Variants in TBC1D4 observed in about 807,000 individuals in gnomAD.
The protein encoded by TBC1D4 is TBC (Tre-2, BUB2, CDC16) domain-containing protein.
Under a neutral mutation model 142.5 loss-of-function variants are expected in TBC1D4, and 121 were observed. That is an observed-to-expected ratio of 0.85 (90% CI 0.73 to 0.99). TBC1D4 has a LOEUF of 0.99. Ranked by LOEUF, TBC1D4 falls within the 50% of genes least tolerant of loss-of-function variation. The pLI, the probability that TBC1D4 is intolerant of heterozygous loss-of-function variation, is 0.00. For missense variants in TBC1D4, 1,475 were observed against 1,606.6 expected (o/e 0.92, Z 1.40); for synonymous variants, 630 against 628.2 (o/e 1.00, Z -0.04).
chr13:75,304,589 CG>C (rs1037609343), intron 15 of TBC1D4, among the ~76,000 whole-genome samples: 1 of 151,944 alleles, frequency 6.6e-6, no homozygotes, highest in Non-Finnish European at 1.5e-5. Context: ...TGATTTTGGT[CG>C]GGGGGCAGGG....
intron 1 of TBC1D4, among the ~76,000 whole-genome samples, chr13:75,395,247 T>C (rs1404792102): frequency 1.3e-5 from 2 of 152,218 alleles, no homozygotes. Context: ...TATCTACTGC[T>C]ACTTCCTCCT....
At chr13:75,476,588 G>A (rs4885297) in intron 1 of TBC1D4, among the ~76,000 whole-genome samples, 151,768 of 152,354 alleles carry the variant, frequency 1, 75,597 homozygotes, top group Middle Eastern at 1. Flanking sequence ...CTATATCAGG[G>A]AAAGGACAGG....
chr13:75,472,497 T>C (rs1315234647), intron 1 of TBC1D4, among the ~76,000 whole-genome samples: 1 of 152,214 alleles, frequency 6.6e-6, no homozygotes, highest in African/African-American at 2.4e-5. Flanking sequence ...ACTATGTTCA[T>C]GCCAACAGGC....
At chr13:75,304,250 A>G (rs563385359) in intron 15 of TBC1D4, among the ~76,000 whole-genome samples, 46 of 152,360 alleles carry the variant, frequency 3.0e-4, no homozygotes, top group Middle Eastern at 6.8e-3. Flanking sequence ...GGGCAGTTTT[A>G]TTATCCAACC....
At chr13:75,460,577 C>T (rs1887926446) in intron 1 of TBC1D4, among the ~76,000 whole-genome samples, 1 of 152,064 alleles carries the variant, frequency 6.6e-6, no homozygotes, top group Non-Finnish European at 1.5e-5. Flanking sequence ...ACTACCAACC[C>T]ACGGTATGGA....
intron 8 of TBC1D4, among the ~76,000 whole-genome samples, chr13:75,335,909 C>A (rs567154409): frequency 1.3e-5 from 2 of 152,238 alleles, no homozygotes; most frequent in East Asian, 3.9e-4. Flanking sequence ...CGAAAATGAA[C>A]TAATACAATG....
chr13:75,467,650 T>G (rs1888221052), intron 1 of TBC1D4, among the ~76,000 whole-genome samples: 1 of 152,204 alleles, frequency 6.6e-6, no homozygotes, highest in Admixed American at 6.5e-5. Context: ...TGGCCCCTGT[T>G]AGGTTTTTCT....
chr13:75,393,447 G>A (rs1027289163), intron 1 of TBC1D4, among the ~76,000 whole-genome samples: 8 of 152,122 alleles, frequency 5.3e-5, no homozygotes, highest in African/African-American at 1.9e-4. Context: ...CTGAATGGAT[G>A]GTGAATATCC....
chr13:75,469,635 C>A (rs562730047), intron 1 of TBC1D4, among the ~76,000 whole-genome samples: 1 of 152,146 alleles, frequency 6.6e-6, no homozygotes, highest in Non-Finnish European at 1.5e-5. Flanking sequence ...ATTAGCCAGG[C>A]ATGGTGGCTG....
chr13:75,413,943 A>G (rs933424277), intron 1 of TBC1D4, among the ~76,000 whole-genome samples: 25 of 152,312 alleles, frequency 1.6e-4, no homozygotes, highest in Admixed American at 1.3e-3. Flanking sequence ...CATGATGTCA[A>G]GAAGGGTCCC....
At chr13:75,312,351 A>G (rs187565478) in intron 13 of TBC1D4, among the ~76,000 whole-genome samples, 132 of 151,684 alleles carry the variant, frequency 8.7e-4, no homozygotes, top group African/African-American at 3.1e-3. Context: ...GTTCAAGGCT[A>G]CAGTGAGCTA....
At chr13:75,341,441 A>G in intron 6 of TBC1D4, 55 bp downstream of exon 6, 2 of 1,534,276 alleles carry the variant, frequency 1.3e-6, no homozygotes, top group Non-Finnish European at 1.8e-6. Flanking sequence ...GCATAAAAAC[A>G]GGATCCAATT....
rs1888871938 is a variant in TBC1D4 at position 75,481,468 on chromosome 13, C to T, written c.300G>A (p.Gly100=). The part of the protein sequence containing the change: ...FLRCVPAPGA[G]ASGGTSPSAT... ...CCGACGGACTAGTGCCCCCCGAGGC[C>T]CCAGCGCCCGGCGCGGGGACGCAAC... The change falls in exon 1 of 21, where the codon GGG becomes GGA. Residue 100 remains glycine (G), a synonymous_variant. Transcript: ENST00000377636. The T allele has an allele frequency of 6.2e-7, 1 of 1,613,502 alleles. No individual in the cohort carries two copies. Among genetic ancestry groups the T allele is most frequent in the Non-Finnish European group, 8.5e-7 (1 of 1,179,634 alleles).
chr13:75,306,064 A>G (rs1347213672), intron 15 of TBC1D4, among the ~76,000 whole-genome samples: 1 of 152,218 alleles, frequency 6.6e-6, no homozygotes, highest in Admixed American at 6.5e-5. Context: ...GCAGTGATCA[A>G]AGATTTGTAT....
At chr13:75,439,056 C>T (rs1453046822) in intron 1 of TBC1D4, among the ~76,000 whole-genome samples, 1 of 152,182 alleles carries the variant, frequency 6.6e-6, no homozygotes, top group East Asian at 1.9e-4. Context: ...GCTCAAGCAA[C>T]ATCACTATTA....
chr13:75,350,532 C>G (rs558063), intron 4 of TBC1D4, among the ~76,000 whole-genome samples: 83,250 of 151,974 alleles, frequency 0.55, 23,417 homozygotes, highest in East Asian at 0.89. Context: ...TAAGCAAAAA[C>G]TAATAATTTC....
At chr13:75,394,645 T>C (rs945107016) in intron 1 of TBC1D4, among the ~76,000 whole-genome samples, 10 of 152,194 alleles carry the variant, frequency 6.6e-5, no homozygotes, top group Admixed American at 4.6e-4. Context: ...TCAAATACAA[T>C]AGACGCTAGA....
At chr13:75,290,295 T>G (rs1214840690) in intron 19 of TBC1D4, among the ~76,000 whole-genome samples, 1 of 150,924 alleles carries the variant, frequency 6.6e-6, no homozygotes, top group East Asian at 1.9e-4. Flanking sequence ...TTATTTGCAT[T>G]TTTTTCCAGT....
chr13:75,440,782 G>T (rs7334537), intron 1 of TBC1D4, among the ~76,000 whole-genome samples: 11 of 149,088 alleles, frequency 7.4e-5, no homozygotes, highest in African/African-American at 2.7e-4. Context: ...ATGTTGTCCA[G>T]GCTGGTTTCA....
Sources: gnomAD v4.1 joint callset for allele counts (sites outside exome capture counted in the v4.1 genomes callset) on GRCh38, gnomAD v4.1.1 for gene constraint, MANE v1.5 for transcripts, NCBI Gene and HGNC (gene_info 2026-07-23, HGNC 2026-07-21) for gene names.